CFAP221: variants seen among roughly 807,000 people sequenced by gnomAD.
CFAP221 encodes cilia and flagella associated protein 221.
In CFAP221, 97 loss-of-function variants were observed where a neutral mutation model predicts 113.1. The observed-to-expected ratio is 0.86, with a 90% CI of 0.73 to 1.02. The LOEUF (loss-of-function observed/expected upper bound fraction) is 1.02. Among genes scored for constraint, CFAP221 ranks in the 50% least tolerant of loss-of-function variants. The probability of loss-of-function intolerance (pLI) is 0.00; values close to 1 mark genes in which losing one functional copy is unlikely to be tolerated. For missense variants in CFAP221, 1,025 were observed against 1,013.4 expected (o/e 1.01, Z -0.16); for synonymous variants, 331 against 354.4 (o/e 0.93, Z 0.74).
downstream of CFAP221, among the ~76,000 whole-genome samples, chr2:119,659,241 T>C (rs1168366548): frequency 6.6e-6 from 1 of 152,148 alleles, no homozygotes; most frequent in Non-Finnish European, 1.5e-5. Flanking sequence ...TACATTACAG[T>C]ATTGGTGTCC....
chr2:119,651,747 C>T (rs1235430147), intron 22 of CFAP221, among the ~76,000 whole-genome samples: 1 of 152,176 alleles, frequency 6.6e-6, no homozygotes, highest in Non-Finnish European at 1.5e-5. Flanking sequence ...TTAAAAATTA[C>T]TTTTTATTCT....
chr2:119,654,405 CT>C (rs879942188), intron 23 of CFAP221, among the ~76,000 whole-genome samples: 24 of 138,762 alleles, frequency 1.7e-4, no homozygotes, highest in African/African-American at 2.8e-4. Flanking sequence ...AAATGAAAAC[CT>C]TTTTTTTTTT....
chr2:119,600,479 G>T (rs192411483), intron 7 of CFAP221, among the ~76,000 whole-genome samples: 1 of 152,176 alleles, frequency 6.6e-6, no homozygotes, highest in East Asian at 1.9e-4. Flanking sequence ...TGTCTGAATC[G>T]CTAATGCAGA....
intron 14 of CFAP221, among the ~76,000 whole-genome samples, chr2:119,616,780 T>C (rs1293571441): frequency 4.6e-5 from 7 of 152,236 alleles, no homozygotes; most frequent in East Asian, 3.8e-4. Context: ...ACCTGTCCTT[T>C]GGGCCAGCCT....
At chr2:119,553,798 A>G (rs1272359618) in intron 3 of CFAP221, among the ~76,000 whole-genome samples, 1 of 152,186 alleles carries the variant, frequency 6.6e-6, no homozygotes, top group East Asian at 1.9e-4. Flanking sequence ...AATGGAGACC[A>G]TGTCTGTCTT....
intron 14 of CFAP221, 150 bp downstream of exon 14, chr2:119,615,859 A>C (rs1362240591): frequency 5.0e-6 from 3 of 598,476 alleles, no homozygotes; most frequent in Non-Finnish European, 8.5e-6. Context: ...CATTTTTAGT[A>C]TATTTATAGA....
intron 6 of CFAP221, chr2:119,572,538 G>C (rs556792314): frequency 2.9e-6 from 2 of 701,210 alleles, no homozygotes; most frequent in Non-Finnish European, 5.2e-6. Context: ...ATGCTCTGTA[G>C]TTTACCCAAC....
At chr2:119,610,384 T>C (rs993017829) in intron 12 of CFAP221, among the ~76,000 whole-genome samples, 1 of 151,796 alleles carries the variant, frequency 6.6e-6, no homozygotes, top group Non-Finnish European at 1.5e-5. Flanking sequence ...AGAGGAGAAA[T>C]GGTGGGGGAA....
At chr2:119,626,386 G>A (rs967443092) in intron 15 of CFAP221, among the ~76,000 whole-genome samples, 3 of 152,094 alleles carry the variant, frequency 2.0e-5, no homozygotes, top group African/African-American at 4.8e-5. Flanking sequence ...CTCTGTGCCA[G>A]GTTTGGCTGA....
rs765920966 is a variant in CFAP221, at chr2:119,615,718, C to T, written c.1410+9C>T. The T allele has an allele frequency of 2.5e-6, 4 of 1,590,504 alleles. No individual in the cohort carries two copies. The East Asian group carries it at 9.0e-5, about 36-fold the overall frequency. On this transcript the variant is annotated intron_variant, in intron 14 of 23. Transcript: ENST00000413369. ...AACAAGTAGCACGCAAGGTAAGTCT[C>T]AGCACCAGCTGGAAATGTTGATTTG...
intron 22 of CFAP221, 104 bp from the exon 23 acceptor site, chr2:119,651,870 A>C (rs1688148525): frequency 4.8e-6 from 4 of 840,326 alleles, no homozygotes; most frequent in Non-Finnish European, 7.1e-6. Context: ...CTAAAGTTGA[A>C]TACCACAAGA....
At chr2:119,615,985 A>G (rs1685497638) in intron 14 of CFAP221, among the ~76,000 whole-genome samples, 1 of 152,174 alleles carries the variant, frequency 6.6e-6, no homozygotes, top group South Asian at 2.1e-4. Context: ...CTGGCAACCA[A>G]TAATCTACTC....
intron 14 of CFAP221, 59 bp from the exon 15 acceptor site, chr2:119,625,524 A>T: frequency 6.9e-7 from 1 of 1,445,902 alleles, no homozygotes; most frequent in Non-Finnish European, 9.6e-7. Flanking sequence ...ATTAGGTTGA[A>T]TGCCAAAATG....
intron 23 of CFAP221, chr2:119,656,128 G>A (rs920385473): frequency 2.1e-6 from 1 of 480,146 alleles, no homozygotes; most frequent in African/African-American, 1.9e-5. Context: ...TGGATTCTTG[G>A]GTAACTTGCC....
intron 16 of CFAP221, among the ~76,000 whole-genome samples, chr2:119,628,270 T>TC (rs1686487448): frequency 1.4e-5 from 2 of 142,558 alleles, no homozygotes; most frequent in Middle Eastern, 3.2e-3. Context: ...CACAACCCAC[T>TC]TCTCTCTCTC....
In CFAP221 at chr2:119,629,920, C is replaced by T; in HGVS notation, c.1696C>T (p.Gln566Ter). 1 of 1,613,680 alleles carries T rather than the reference C, an allele frequency of 6.2e-7. No homozygotes were observed. Among genetic ancestry groups the T allele is most frequent in the Non-Finnish European group, 8.5e-7 (1 of 1,179,676 alleles). Residue 566 changes from glutamine to a stop codon, truncating the protein, a stop_gained, in exon 17 of 24, where the codon CAA becomes TAA. Transcript: ENST00000413369. LOFTEE classifies it high-confidence loss of function. The stretch of plus-strand genomic sequence containing the variant: ...GGTCCCAATTAAGTCTTCAGAAGTT[C>T]AAATCAAGCAGAGTTATTCCTTCTT... ...GLVPIKSSEV[Q>*]IKQSYSFFNL...
At chr2:119,545,620 T>G (rs1679997154) in intron 1 of CFAP221, among the ~76,000 whole-genome samples, 2 of 152,248 alleles carry the variant, frequency 1.3e-5, no homozygotes, top group African/African-American at 4.8e-5. Flanking sequence ...AATGCCAGTG[T>G]CCTGTAAACA....
chr2:119,616,340 C>G (rs1685525559), intron 14 of CFAP221, among the ~76,000 whole-genome samples: 1 of 152,070 alleles, frequency 6.6e-6, no homozygotes, highest in Non-Finnish European at 1.5e-5. Flanking sequence ...TTTTCTTTAC[C>G]CATTCATCAG....
At chr2:119,571,309 T>G (rs1016720045) in intron 6 of CFAP221, among the ~76,000 whole-genome samples, 2 of 151,838 alleles carry the variant, frequency 1.3e-5, no homozygotes, top group Admixed American at 6.6e-5. Context: ...TCAACTAATT[T>G]TTGTATTTTT....
Sources: allele counts gnomAD v4.1 joint callset (sites outside exome capture counted in the v4.1 genomes callset), GRCh38; gene constraint gnomAD v4.1.1; transcripts MANE v1.5; gene names NCBI Gene and HGNC (gene_info 2026-07-23, HGNC 2026-07-21).